HERC1: variants seen among roughly 807,000 people sequenced by gnomAD.
HERC1 encodes the protein HECT and RLD domain containing E3 ubiquitin protein ligase family member 1.
Under a neutral mutation model 554.3 loss-of-function variants are expected in HERC1, and 160 were observed. The ratio of observed to expected loss-of-function variants is 0.29; its 90% confidence interval spans 0.25 to 0.33. HERC1 has a LOEUF of 0.33. Among genes scored for constraint, HERC1 ranks in the 10% least tolerant of loss-of-function variants. HERC1 has a pLI of 1.00. For synonymous variants in HERC1, 2,175 were observed against 2,131.7 expected, an observed-to-expected ratio of 1.02 and a Z score of -0.56; for missense variants, 4,919 against 5,918.5, an observed-to-expected ratio of 0.83 and a Z score of 5.54.
At chr15:63,786,188 G>C (rs1188700758) in intron 1 of HERC1, among the ~76,000 whole-genome samples, 1 of 151,596 alleles carries the variant, frequency 6.6e-6, no homozygotes, top group Non-Finnish European at 1.5e-5. Flanking sequence ...CTGGAGGCCA[G>C]GAGTTCGAGG....
At chr15:63,698,528 A>G (rs576654992) in intron 26 of HERC1, among the ~76,000 whole-genome samples, 200 bp downstream of exon 26, 7 of 152,234 alleles carry the variant, frequency 4.6e-5, no homozygotes, top group Non-Finnish European at 8.8e-5. Context: ...GAGAGATGAC[A>G]ATTTTAAAAT....
At chr15:63,777,585 C>T (rs1331483813) in intron 1 of HERC1, among the ~76,000 whole-genome samples, 2 of 152,182 alleles carry the variant, frequency 1.3e-5, no homozygotes, top group East Asian at 3.8e-4. Flanking sequence ...TTTATTCATG[C>T]ATTCTCCTAT....
At chr15:63,728,115 ATTAAT>A (rs1281872374) in intron 16 of HERC1, among the ~76,000 whole-genome samples, 6 of 152,156 alleles carry the variant, frequency 3.9e-5, no homozygotes, top group South Asian at 2.1e-4. Context: ...TTTCTCATTC[ATTAAT>A]TTATCTTCAT....
intron 1 of HERC1, among the ~76,000 whole-genome samples, chr15:63,822,193 G>A (rs1253989693): frequency 2.6e-5 from 4 of 152,222 alleles, no homozygotes; most frequent in Non-Finnish European, 5.9e-5. Flanking sequence ...TGTAGCAGAA[G>A]TGGAATAAAC....
At chr15:63,651,547 GTCA>G (rs1337795608) in intron 52 of HERC1, among the ~76,000 whole-genome samples, 167 bp from the exon 53 acceptor site, 6 of 152,156 alleles carry the variant, frequency 3.9e-5, no homozygotes, top group Admixed American at 2.6e-4. Flanking sequence ...ATTAATGTTT[GTCA>G]TCATGTGAAA....
intron 1 of HERC1, among the ~76,000 whole-genome samples, chr15:63,781,756 G>T (rs1023411533): frequency 6.6e-6 from 1 of 152,192 alleles, no homozygotes; most frequent in Non-Finnish European, 1.5e-5. Context: ...CAGGCCAAAA[G>T]CTAAGCCTCT....
rs2071247751 is a variant in HERC1 at position 63,677,046 on chromosome 15, T to C, written c.7070+799A>G. Reference sequence around the variant, plus strand: ...AATTTTGGAATATTTACATTGTACTTAGCAGGTGAGCATCCCAAATCCAAA... The same window carrying C: ...AATTTTGGAATATTTACATTGTACTCAGCAGGTGAGCATCCCAAATCCAAA... On this transcript the variant is annotated intron_variant, in intron 37 of 77. Transcript: ENST00000443617. This position sits in a 1 kb window ranked among gnomAD's most constrained non-coding sequence, Gnocchi z 4.4. Among the ~76,000 whole-genome samples the C allele has an allele frequency of 6.6e-6, 1 of 152,206 alleles. No individual in the cohort carries two copies. The highest frequency in any genetic ancestry group is 2.4e-5 in the African/African-American group (1 of 41,470).
intron 1 of HERC1, among the ~76,000 whole-genome samples, chr15:63,783,022 T>C (rs763428782): frequency 6.6e-6 from 1 of 152,242 alleles, no homozygotes; most frequent in African/African-American, 2.4e-5. Flanking sequence ...AAGTAGTTTA[T>C]TGAAATGAAA....
chr15:63,732,882 AC>A, intron 14 of HERC1, 41 bp downstream of exon 14: 2 of 1,269,834 alleles, frequency 1.6e-6, no homozygotes, highest in South Asian at 1.2e-5. Flanking sequence ...AGAGATCCCT[AC>A]CCCTTTATTC....
chr15:63,645,131 G>T, intron 56 of HERC1, 34 bp from the exon 57 acceptor site: 1 of 1,402,624 alleles, frequency 7.1e-7, no homozygotes, highest in Non-Finnish European at 1.0e-6. Flanking sequence ...ACCAAAACAT[G>T]TCAATATGCA....
chr15:63,787,861 C>T (rs1429068522), intron 1 of HERC1, among the ~76,000 whole-genome samples: 1 of 148,980 alleles, frequency 6.7e-6, no homozygotes, highest in African/African-American at 2.5e-5. Flanking sequence ...GCTGGGGAGG[C>T]ATACTGGGGA....
chr15:63,632,464 G>A (rs2068604137), intron 68 of HERC1: 1 of 547,406 alleles, frequency 1.8e-6, no homozygotes, highest in East Asian at 3.4e-5. Context: ...GACGGCCCTT[G>A]GCAGGGACTC....
intron 1 of HERC1, among the ~76,000 whole-genome samples, chr15:63,803,987 T>C (rs2077064694): frequency 6.6e-6 from 1 of 152,184 alleles, no homozygotes; most frequent in Non-Finnish European, 1.5e-5. Flanking sequence ...CCCACATATA[T>C]ATGGCCAACT....
At chr15:63,610,640 T>A (rs1223446464) in intron 77 of HERC1, among the ~76,000 whole-genome samples, 1 of 152,210 alleles carries the variant, frequency 6.6e-6, no homozygotes, top group African/African-American at 2.4e-5. Context: ...TTCCTGCACG[T>A]GGCTTCTCCA....
Position 63,677,648 on chromosome 15 carries a change from A to G in HERC1, c.7070+197T>C, listed in dbSNP as rs889038673. 2.6e-5 allele frequency among the ~76,000 whole-genome samples: 4 copies of G among 152,218 alleles called. No individual in the cohort carries two copies. Among genetic ancestry groups the G allele is most frequent in the Non-Finnish European group, 4.4e-5 (3 of 68,030 alleles). ...AAAAGACTATGTATTTTTAAAACCCACTAGTATTTCAAAGAACATGGGTTT... is the reference window on the plus strand; with the variant it reads ...AAAAGACTATGTATTTTTAAAACCCGCTAGTATTTCAAAGAACATGGGTTT... On this transcript the variant is annotated intron_variant, in intron 37 of 77. Transcript: ENST00000443617. This position sits in a 1 kb window ranked among gnomAD's most constrained non-coding sequence, Gnocchi z 4.4.
At chr15:63,725,772 A>G (rs1477993613) in intron 17 of HERC1, among the ~76,000 whole-genome samples, 2 of 152,198 alleles carry the variant, frequency 1.3e-5, no homozygotes, top group Admixed American at 6.5e-5. Flanking sequence ...AACATATGAC[A>G]ACATTATTCC....
At position 63,664,346 on chromosome 15, in the gene HERC1, T is replaced by A. The variant is rs142544633; in HGVS notation, c.8680+124A>T. ...GCATAGAAAATGATATCCAAATAGC[T>A]GTTCTGTTAATGTGGAGGGACTGAG... is the stretch of plus-strand genomic sequence containing the variant. On this transcript the variant is annotated intron_variant, in intron 43 of 77. Transcript: ENST00000443617. 9.4e-6 allele frequency: 7 copies of A among 742,184 alleles called. No individual in the cohort carries two copies. The African/African-American group carries it at 1.2e-4, about 13-fold the overall frequency. The allele number at this position is 742,184 out of a possible 1,614,324, so 46.0% of individuals were successfully genotyped here.
chr15:63,721,775 C>T (rs577908615), intron 19 of HERC1, among the ~76,000 whole-genome samples: 2 of 152,104 alleles, frequency 1.3e-5, no homozygotes, highest in East Asian at 3.9e-4. Flanking sequence ...TCTGAACAAT[C>T]CCGATCATCG....
chr15:63,646,977 A>T (rs1191815100), intron 55 of HERC1, among the ~76,000 whole-genome samples: 3 of 151,980 alleles, frequency 2.0e-5, no homozygotes, highest in Non-Finnish European at 4.4e-5. Flanking sequence ...ACAATGAGCC[A>T]TGCACGTTGG....
Sources: gnomAD v4.1 joint callset for allele counts (sites outside exome capture counted in the v4.1 genomes callset) on GRCh38, gnomAD v4.1.1 for gene constraint, Gnocchi (gnomAD v3.1) non-coding constraint, MANE v1.5 for transcripts, NCBI Gene and HGNC (gene_info 2026-07-23, HGNC 2026-07-21) for gene names.